RIPOR2: variants seen among roughly 807,000 people sequenced by gnomAD.
RIPOR2 encodes the protein rho family-interacting cell polarization regulator 2.
A neutral mutation model predicts 114.5 loss-of-function variants in RIPOR2; 39 were observed. That is an observed-to-expected ratio of 0.34 (90% CI 0.26 to 0.44). RIPOR2 has a LOEUF of 0.44. Among genes scored for constraint, RIPOR2 ranks in the 20% least tolerant of loss-of-function variants. The probability of loss-of-function intolerance (pLI) is 1.00; values close to 1 mark genes in which losing one functional copy is unlikely to be tolerated. For synonymous variants in RIPOR2, 445 were observed against 484.4 expected (o/e 0.92, Z 1.07); for missense variants, 1,007 against 1,255.1 (o/e 0.80, Z 2.99).
At chr6:24,882,923 C>T (rs368398895) in intron 1 of RIPOR2, among the ~76,000 whole-genome samples, 2 of 152,232 alleles carry the variant, frequency 1.3e-5, no homozygotes, top group East Asian at 3.9e-4. Context: ...CCTTTTATTT[C>T]TGATTTTTCA....
chr6:25,005,738 T>TATATGTATATATACAC (rs34572978), intron 1 of RIPOR2, among the ~76,000 whole-genome samples: 1 of 70,700 alleles, frequency 1.4e-5, no homozygotes, highest in Non-Finnish European at 3.3e-5. Flanking sequence ...TATATATATA[T>TATATGTATATATACAC]ATACATTTAC....
Position 24,878,061 on chromosome 6 carries a change from C to T in RIPOR2, c.62-2244G>A, listed in dbSNP as rs374429805. Among the ~76,000 whole-genome samples the T allele has an allele frequency of 4.8e-4, 73 of 152,224 alleles. 1 individual carries two copies. The South Asian group carries it at 0.011, about 23-fold the overall frequency. On this transcript the variant is annotated intron_variant, in intron 1 of 21. Coordinates refer to ENST00000643898, the MANE Select transcript of RIPOR2 (RefSeq NM_001286445.3). Reference sequence around the variant, plus strand: ...CTACTGATTAGGACTGGTGGGAATGCTGTTTACTGAAACTAGGAGCAAGGA... The same window carrying T: ...CTACTGATTAGGACTGGTGGGAATGTTGTTTACTGAAACTAGGAGCAAGGA...
At position 24,835,718 on chromosome 6, in the gene RIPOR2, G is replaced by A; in HGVS notation, c.2193C>T (p.Cys731=). Residue 731 remains cysteine (C), a synonymous_variant, in exon 15 of 22, where the codon TGC becomes TGT. Transcript: ENST00000643898. ...DITIVRHLQY[C]TQLVQQIVFS... ...CTGATCCTACCTGCACGAGTTGGGT[G>A]CAGTACTGGAGGTGCCTGACGATGG... is the stretch of plus-strand genomic sequence containing the variant. 2 of 1,551,664 alleles carry A rather than the reference G, an allele frequency of 1.3e-6. No homozygotes were observed. The highest frequency in any genetic ancestry group is 1.7e-6 in the Non-Finnish European group (2 of 1,146,954).
chr6:24,830,570 C>G lies in RIPOR2; in HGVS notation c.2445G>C (p.Lys815Asn). The G allele has an allele frequency of 6.4e-7, 1 of 1,551,416 alleles. No individual in the cohort carries two copies. Among genetic ancestry groups the G allele is most frequent in the Non-Finnish European group, 8.7e-7 (1 of 1,146,944 alleles). ...TTCTGGCAAAGCTGGCCTCCAGCTG[C>G]TTCATCACTCTGTCCGCTGGGCTGT... The part of the protein sequence containing the change: ...VYHSPADRVM[K>N]QLEASFARTV... Residue 815 changes from lysine (K) to asparagine (N), a missense_variant, in exon 17 of 22, where the codon AAG (lysine) becomes AAC (asparagine). Transcript: ENST00000643898.
chr6:24,901,031 T>A (rs1184916797), intron 1 of RIPOR2, among the ~76,000 whole-genome samples: 1 of 152,154 alleles, frequency 6.6e-6, no homozygotes, highest in African/African-American at 2.4e-5. Context: ...ACTCCTCTTG[T>A]GCCCAGGAAG....
At position 24,817,978 on chromosome 6, in the gene RIPOR2, C is replaced by CTTTTTTTTTTTTTTTTTTTTTTTT. The variant is rs57294288; in HGVS notation, c.2952+563_2952+564insAAAAAAAAAAAAAAAAAAAAAAAA. Among the ~76,000 whole-genome samples, 2 of 118,364 alleles carry CTTTTTTTTTTTTTTTTTTTTTTTT rather than the reference C, an allele frequency of 1.7e-5. 1 individual carries two copies. 77.7% of individuals were successfully genotyped at this position (118,364 alleles called of 152,430 possible). A position where few individuals can be genotyped will look rare whatever the true frequency, so the allele number is the denominator to read the frequency against. On this transcript the variant is annotated intron_variant, in intron 20 of 21. Coordinates refer to ENST00000643898, the MANE Select transcript of RIPOR2 (RefSeq NM_001286445.3). ...ATACTTTCCTTTTCTCTCTCTCTCT[C>CTTTTTTTTTTTTTTTTTTTTTTTT]TTTTTTTTTGAGACAGAGTCTGGCT...
intron 1 of RIPOR2, among the ~76,000 whole-genome samples, chr6:24,920,709 A>G (rs1770419738): frequency 6.6e-6 from 1 of 152,196 alleles, no homozygotes; most frequent in Admixed American, 6.5e-5. Flanking sequence ...CACAATTTAT[A>G]TGTATACTAT....
intron 1 of RIPOR2, among the ~76,000 whole-genome samples, chr6:24,886,624 AGTC>A (rs1766861814): frequency 1.3e-5 from 2 of 152,234 alleles, no homozygotes; most frequent in Admixed American, 6.5e-5. Flanking sequence ...TGTGATAAAG[AGTC>A]AGACTATGCA....
At chr6:24,997,781 T>A (rs1775109836) in intron 1 of RIPOR2, among the ~76,000 whole-genome samples, 1 of 152,180 alleles carries the variant, frequency 6.6e-6, no homozygotes, top group African/African-American at 2.4e-5. Flanking sequence ...CACATTAAAG[T>A]CTGAGAAACA....
chr6:24,844,182 T>A (rs1762027803), intron 12 of RIPOR2, among the ~76,000 whole-genome samples: 1 of 152,210 alleles, frequency 6.6e-6, no homozygotes, highest in African/African-American at 2.4e-5. Context: ...GGAACATCAA[T>A]CTTGCAGGAG....
At chr6:25,009,964 G>T (rs1314147259) in intron 1 of RIPOR2, among the ~76,000 whole-genome samples, 2 of 152,114 alleles carry the variant, frequency 1.3e-5, no homozygotes, top group East Asian at 3.9e-4. Flanking sequence ...ATGCCCAGAA[G>T]AACTTCCAGG....
At chr6:25,024,430 A>C in intron 1 of RIPOR2, 1 of 1,028,676 alleles carries the variant, frequency 9.7e-7, no homozygotes, top group Non-Finnish European at 1.5e-6. Flanking sequence ...AGGATGCAGG[A>C]GGTGTCCAGG....
At chr6:24,935,984 C>T, upstream of RIPOR2, 4 of 1,045,502 alleles carry the variant, frequency 3.8e-6, no homozygotes, top group Non-Finnish European at 5.7e-6. Context: ...ATTTCCTTTC[C>T]TTGGGTTGCC....
intron 1 of RIPOR2, chr6:25,023,740 G>T: frequency 1.3e-6 from 1 of 795,510 alleles, no homozygotes; most frequent in Non-Finnish European, 2.2e-6. Context: ...TCAGGTACAT[G>T]AAGAACTCCA....
chr6:25,011,344 AG>A (rs1327043410), intron 1 of RIPOR2, among the ~76,000 whole-genome samples: 1 of 152,238 alleles, frequency 6.6e-6, no homozygotes, highest in Non-Finnish European at 1.5e-5. Flanking sequence ...AGTCTCCAGA[AG>A]GAGCAGTTTC....
At chr6:24,912,922 C>T (rs1769781465) in intron 1 of RIPOR2, among the ~76,000 whole-genome samples, 1 of 152,222 alleles carries the variant, frequency 6.6e-6, no homozygotes, top group Non-Finnish European at 1.5e-5. Context: ...AGCCTGTCAT[C>T]TCTTTCCCAT....
intron 15 of RIPOR2, 126 bp from the exon 16 acceptor site, chr6:24,832,517 C>A: frequency 1.2e-6 from 1 of 806,702 alleles, no homozygotes; most frequent in South Asian, 1.8e-5. Context: ...TTTCTTCCAG[C>A]TCGATAATGA....
chr6:24,935,752 C>A, intron 1 of RIPOR2, 86 bp downstream of exon 1: 1 of 929,148 alleles, frequency 1.1e-6, no homozygotes, highest in Non-Finnish European at 1.7e-6. Flanking sequence ...TACTCAAGTC[C>A]TTGCCCAAGC....
upstream of RIPOR2, among the ~76,000 whole-genome samples, chr6:24,940,609 T>C (rs1337348429): frequency 1.3e-5 from 2 of 152,034 alleles, no homozygotes; most frequent in African/African-American, 4.8e-5. Context: ...TTTGTCTAAC[T>C]GTAAAATGCC....
Sources: allele counts gnomAD v4.1 joint callset (sites outside exome capture counted in the v4.1 genomes callset), GRCh38; gene constraint gnomAD v4.1.1; transcripts MANE v1.5; gene names NCBI Gene and HGNC (gene_info 2026-07-23, HGNC 2026-07-21).